MAN1A1: variants seen among roughly 807,000 people sequenced by gnomAD.
MAN1A1 encodes mannosyl-oligosaccharide 1,2-alpha-mannosidase IA.
MAN1A1 carries 29 observed loss-of-function variants against 70.8 expected under a neutral mutation model. The observed-to-expected ratio is 0.41, with a 90% CI of 0.31 to 0.56. The LOEUF is 0.56. MAN1A1 is among the 20% of genes least tolerant of loss of function. The probability of loss-of-function intolerance (pLI) is 0.29; values close to 1 mark genes in which losing one functional copy is unlikely to be tolerated. For missense variants in MAN1A1, 747 were observed against 841.3 expected (o/e 0.89, Z 1.39); for synonymous variants, 349 against 330.1 (o/e 1.06, Z -0.62).
chr6:119,277,752 C>T (rs935916792), intron 5 of MAN1A1, among the ~76,000 whole-genome samples: 3 of 151,402 alleles, frequency 2.0e-5, no homozygotes, highest in South Asian at 2.1e-4. Flanking sequence ...CTGGTTAACA[C>T]GGGGAAAACC....
intron 6 of MAN1A1, among the ~76,000 whole-genome samples, chr6:119,246,349 G>T (rs1336180821): frequency 2.0e-5 from 3 of 152,110 alleles, no homozygotes; most frequent in African/African-American, 7.2e-5. Context: ...GTCTTCCATT[G>T]TACTGTTAGC....
intron 6 of MAN1A1, among the ~76,000 whole-genome samples, chr6:119,223,476 T>C (rs998800502): frequency 6.6e-6 from 1 of 152,142 alleles, no homozygotes. Context: ...GCAGGGATGT[T>C]TGGAAAAATG....
intron 11 of MAN1A1, among the ~76,000 whole-genome samples, chr6:119,186,778 G>A (rs574883042): frequency 5.9e-5 from 9 of 152,234 alleles, no homozygotes; most frequent in African/African-American, 2.2e-4. Flanking sequence ...ACGGGGGTGG[G>A]CATAACACCA....
rs1773810122 is a variant in MAN1A1 at position 119,348,683 on chromosome 6, T to C, written c.383A>G (p.His128Arg). ...EDNLARIRENHERALREAKET... is the reference protein window; with the variant it reads ...EDNLARIRENRERALREAKET... The stretch of plus-strand genomic sequence containing the variant: ...CTTGGCTTCCCTGAGAGCCCGCTCG[T>C]GGTTTTCGCGGATCCTGGCCAAGTT... The change falls in exon 2 of 13, where the codon CAC (histidine) becomes CGC (arginine). Residue 128 changes from histidine (H) to arginine (R), a missense_variant. His to Arg is a conservative substitution (Grantham distance 29). Transcript: ENST00000368468. 7 of 1,610,974 alleles carry C rather than the reference T, an allele frequency of 4.3e-6. No homozygotes were observed. Among genetic ancestry groups the C allele is most frequent in the Non-Finnish European group, 5.9e-6 (7 of 1,178,790 alleles).
chr6:119,203,321 G>GA (rs1393123247), intron 7 of MAN1A1, among the ~76,000 whole-genome samples: 1 of 152,124 alleles, frequency 6.6e-6, no homozygotes, highest in African/African-American at 2.4e-5. Context: ...AGGCCACGTG[G>GA]AAATGTGGAG....
At position 119,201,253 on chromosome 6, in the gene MAN1A1, C is replaced by T; in HGVS notation, c.1210+1G>A. ...ATAATAATGCAAATCTTCTGACTTA[C>T]GTTGACCCCACTGTCCACTACTGGG... On this transcript the variant is annotated splice_donor_variant, in intron 8 of 12. Coordinates refer to ENST00000368468, the MANE Select transcript of MAN1A1 (RefSeq NM_005907.4). LOFTEE classifies it high-confidence loss of function. 4 of 1,608,862 alleles carry T rather than the reference C, an allele frequency of 2.5e-6. No homozygotes were observed. The highest frequency in any genetic ancestry group is 1.1e-5 in the South Asian group (1 of 90,964).
At chr6:119,292,098 G>A (rs1413850556) in intron 4 of MAN1A1, among the ~76,000 whole-genome samples, 1 of 151,900 alleles carries the variant, frequency 6.6e-6, no homozygotes, top group African/African-American at 2.4e-5. Flanking sequence ...ATACCTCACA[G>A]GATAATGCAC....
At chr6:119,254,656 T>C (rs1451720915) in intron 5 of MAN1A1, among the ~76,000 whole-genome samples, 1 of 152,190 alleles carries the variant, frequency 6.6e-6, no homozygotes, top group East Asian at 1.9e-4. Context: ...TTTTTAAATG[T>C]CCACTAAAAG....
At chr6:119,260,651 T>A (rs1775582092) in intron 5 of MAN1A1, among the ~76,000 whole-genome samples, 1 of 152,232 alleles carries the variant, frequency 6.6e-6, no homozygotes, top group Non-Finnish European at 1.5e-5. Context: ...TATCTTTTTT[T>A]CATTTAGAGG....
intron 5 of MAN1A1, among the ~76,000 whole-genome samples, chr6:119,258,128 T>C (rs540003663): frequency 3.9e-4 from 60 of 152,314 alleles, no homozygotes; most frequent in African/African-American, 1.4e-3. Flanking sequence ...TGGACTCCAC[T>C]ACATAGATGT....
intron 2 of MAN1A1, among the ~76,000 whole-genome samples, chr6:119,317,583 A>G (rs1772888961): frequency 6.6e-6 from 1 of 152,104 alleles, no homozygotes; most frequent in Non-Finnish European, 1.5e-5. Context: ...GTGTTGAATA[A>G]TATTTCTTTT....
At chr6:119,193,115 G>T (rs1186168880) in intron 9 of MAN1A1, among the ~76,000 whole-genome samples, 7 of 151,136 alleles carry the variant, frequency 4.6e-5, no homozygotes, top group East Asian at 3.9e-4. Context: ...TAATCTCTCT[G>T]AGGTACAGCA....
chr6:119,275,656 C>T (rs1001936801), intron 5 of MAN1A1, among the ~76,000 whole-genome samples: 1 of 149,944 alleles, frequency 6.7e-6, no homozygotes, highest in African/African-American at 2.5e-5. Flanking sequence ...TGGCCAGGCT[C>T]GTCTCAAACT....
At chr6:119,326,491 G>C (rs891358702) in intron 2 of MAN1A1, among the ~76,000 whole-genome samples, 1 of 152,166 alleles carries the variant, frequency 6.6e-6, no homozygotes, top group African/African-American at 2.4e-5. Flanking sequence ...ATGCAGGCTC[G>C]GATGCCTGCC....
In MAN1A1 at chr6:119,278,534, C is replaced by T. The variant is rs539525437; in HGVS notation, c.897+12149G>A. Among the ~76,000 whole-genome samples the T allele has an allele frequency of 2.4e-4, 37 of 152,168 alleles. 1 individual carries two copies. Among genetic ancestry groups the T allele is most frequent in the South Asian group, 1.7e-3 (8 of 4,818 alleles). ...TATATTTTAGCAGTATTAAAGATCACTTCACCGGTACTTAGTTTTTTTTTA... is the reference window on the plus strand; with the variant it reads ...TATATTTTAGCAGTATTAAAGATCATTTCACCGGTACTTAGTTTTTTTTTA... On this transcript the variant is annotated intron_variant, in intron 5 of 12. Transcript: ENST00000368468.
chr6:119,282,627 T>G (rs183785007), intron 5 of MAN1A1, among the ~76,000 whole-genome samples: 42 of 152,236 alleles, frequency 2.8e-4, no homozygotes, highest in Admixed American at 3.9e-4. Flanking sequence ...CTATTCAGTA[T>G]TTTACATTCC....
At chr6:119,252,846 G>A (rs1775360588) in intron 5 of MAN1A1, among the ~76,000 whole-genome samples, 1 of 152,050 alleles carries the variant, frequency 6.6e-6, no homozygotes, top group Non-Finnish European at 1.5e-5. Flanking sequence ...TTGAACATGA[G>A]GATCATAGTG....
chr6:119,282,035 C>G (rs1018932625), intron 5 of MAN1A1, among the ~76,000 whole-genome samples: 6 of 152,172 alleles, frequency 3.9e-5, no homozygotes, highest in Non-Finnish European at 8.8e-5. Flanking sequence ...CCACTGCACT[C>G]CAGCCTGGGC....
At chr6:119,188,289 A>G in intron 11 of MAN1A1, 116 bp downstream of exon 11, 2 of 974,574 alleles carry the variant, frequency 2.1e-6, no homozygotes, top group East Asian at 2.5e-5. Flanking sequence ...GGTGGAAAAA[A>G]TCCTGGTCGA....
Sources: gnomAD v4.1 joint callset for allele counts (sites outside exome capture counted in the v4.1 genomes callset) on GRCh38, gnomAD v4.1.1 for gene constraint, MANE v1.5 for transcripts, NCBI Gene and HGNC (gene_info 2026-07-23, HGNC 2026-07-21) for gene names.